Variants in TJP1 observed in about 807,000 individuals in gnomAD.
The protein encoded by TJP1 is tight junction protein 1, also known as tight junction protein ZO-1.
Under a neutral mutation model 194.2 loss-of-function variants are expected in TJP1, and 43 were observed. The ratio of observed to expected loss-of-function variants is 0.22; its 90% CI spans 0.17 to 0.29. The LOEUF is 0.29. Ranked by LOEUF, TJP1 falls within the 10% of genes least tolerant of loss-of-function variation. TJP1 has a pLI of 1.00. For synonymous variants in TJP1, 801 were observed against 779.0 expected, an observed-to-expected ratio of 1.03 and a Z score of -0.47; for missense variants, 1,971 against 2,185.7, an observed-to-expected ratio of 0.90 and a Z score of 1.96.
intron 1 of TJP1, among the ~76,000 whole-genome samples, chr15:29,821,705 C>T (rs1188357786): frequency 6.6e-6 from 1 of 152,078 alleles, no homozygotes; most frequent in Non-Finnish European, 1.5e-5. Context: ...CGTGTCCCCG[C>T]CCTCAGCGAG....
At chr15:29,804,476 C>T (rs2048991026) in intron 1 of TJP1, among the ~76,000 whole-genome samples, 1 of 152,060 alleles carries the variant, frequency 6.6e-6, no homozygotes, top group South Asian at 2.1e-4. Flanking sequence ...AAAATGTTCA[C>T]TAATGACTGA....
chr15:29,812,181 C>T (rs1023081648), intron 1 of TJP1, among the ~76,000 whole-genome samples: 1 of 152,254 alleles, frequency 6.6e-6, no homozygotes, highest in South Asian at 2.1e-4. Context: ...TTAAGAGTTG[C>T]TCGGTGATAA....
At chr15:29,929,720 A>T (rs2054643432) in intron 2 of TJP1, among the ~76,000 whole-genome samples, 1 of 152,090 alleles carries the variant, frequency 6.6e-6, no homozygotes, top group Non-Finnish European at 1.5e-5. Flanking sequence ...AAATAAATAA[A>T]TAAATAAATG....
At chr15:29,922,136 C>T (rs543200045) in intron 2 of TJP1, among the ~76,000 whole-genome samples, 6 of 152,168 alleles carry the variant, frequency 3.9e-5, no homozygotes, top group South Asian at 2.1e-4. Context: ...TGTGAGCCAC[C>T]GCACCCGGAC....
intron 2 of TJP1, among the ~76,000 whole-genome samples, chr15:29,867,447 G>A (rs2052347550): frequency 6.6e-6 from 1 of 152,174 alleles, no homozygotes; most frequent in Non-Finnish European, 1.5e-5. Context: ...ATTGGGCCTT[G>A]CTGGCTCCAA....
At chr15:29,836,335 C>A (rs935026077) in intron 2 of TJP1, among the ~76,000 whole-genome samples, 1 of 151,684 alleles carries the variant, frequency 6.6e-6, no homozygotes, top group Non-Finnish European at 1.5e-5. Flanking sequence ...TGCAGTTGCA[C>A]AATCTCAGCT....
intron 8 of TJP1, among the ~76,000 whole-genome samples, chr15:29,745,224 C>T (rs1464123120): frequency 2.7e-5 from 4 of 150,454 alleles, no homozygotes; most frequent in Non-Finnish European, 5.9e-5. Flanking sequence ...GACAGTGATA[C>T]CTGTGAACAC....
Position 29,791,784 on chromosome 15 carries a change from G to C in TJP1, c.84+8862C>G, listed in dbSNP as rs1297219504. ...TTTTTCTGCCTGCTCACTAGCATTT[G>C]TTATTGCCTGTCTTTTTGATAAAAG... is the stretch of plus-strand genomic sequence containing the variant. On this transcript the variant is annotated intron_variant, in intron 2 of 27. Coordinates refer to ENST00000614355, the MANE Select transcript of TJP1 (RefSeq NM_001330239.4). Among the ~76,000 whole-genome samples, 8 of 152,156 alleles carry C rather than the reference G, an allele frequency of 5.3e-5. No individual in the cohort carries two copies. The East Asian group carries it at 1.4e-3, about 26-fold the overall frequency.
intron 2 of TJP1, among the ~76,000 whole-genome samples, chr15:29,838,601 A>G (rs999912403): frequency 4.4e-5 from 4 of 91,772 alleles, no homozygotes; most frequent in Non-Finnish European, 9.2e-5. Flanking sequence ...TTATACATGT[A>G]CTCTGTGTGT....
At chr15:29,820,543 A>G in intron 1 of TJP1, 1 of 716,892 alleles carries the variant, frequency 1.4e-6, no homozygotes. Context: ...GTGGCAATCC[A>G]TTGAAAACGT....
Position 29,822,045 on chromosome 15 carries a change from GCCGCGC to G in TJP1, c.-23_-18del, listed in dbSNP as rs2050418696. 7.6e-7 allele frequency: 1 copy of G among 1,311,478 alleles called. No homozygotes were observed. The highest frequency in any genetic ancestry group is 3.3e-5 in the Admixed American group (1 of 30,090). 81.2% of individuals were successfully genotyped at this position (1,311,478 alleles called of 1,614,324 possible). A position where few individuals can be genotyped will look rare whatever the true frequency, so the allele number is the denominator to read the frequency against. Reference sequence around the variant, plus strand: ...GGCGGACATCTTGTCTCTCTCCAGCGCCGCGCGAGGCTCCTCGGACCCGAAACTCCG... The same window carrying G: ...GGCGGACATCTTGTCTCTCTCCAGCGGAGGCTCCTCGGACCCGAAACTCCG... On this transcript the variant is annotated 5_prime_UTR_variant, in exon 1 of 28. Transcript: ENST00000614355.
At chr15:29,746,271 T>C (rs1046810760) in intron 8 of TJP1, among the ~76,000 whole-genome samples, 1 of 151,312 alleles carries the variant, frequency 6.6e-6, no homozygotes, top group South Asian at 2.1e-4. Context: ...CCAGCTACTC[T>C]GGAGGCTGAG....
chr15:29,757,523 A>G (rs2045721553), intron 8 of TJP1, among the ~76,000 whole-genome samples: 1 of 152,212 alleles, frequency 6.6e-6, no homozygotes, highest in Admixed American at 6.5e-5. Flanking sequence ...GTTTCTCAAA[A>G]TGCAGGGAAT....
At chr15:29,786,155 G>A (rs927470624) in intron 2 of TJP1, among the ~76,000 whole-genome samples, 2 of 152,058 alleles carry the variant, frequency 1.3e-5, no homozygotes, top group South Asian at 2.1e-4. Flanking sequence ...AGATTGATTC[G>A]GTTTTTTAAC....
rs1320589775 is a variant in TJP1 at position 29,704,404 on chromosome 15, CTAATGGAGT to C, written c.5069-108_5069-100del. The C allele has an allele frequency of 3.5e-6, 5 of 1,420,864 alleles. No individual in the cohort carries two copies. In the African/African-American group the frequency reaches 7.1e-5, roughly 20 times the overall value. The allele number at this position is 1,420,864 out of a possible 1,614,324, so 88.0% of individuals were successfully genotyped here. On this transcript the variant is annotated intron_variant, in intron 26 of 27. Transcript: ENST00000614355. ...TGCTTCTAATTATATGCTTGAAAGC[CTAATGGAGT>C]TAGTTCTCTACAGTCGCACTGACCA...
intron 2 of TJP1, among the ~76,000 whole-genome samples, chr15:29,829,635 A>C (rs1383476167): frequency 3.4e-5 from 1 of 29,824 alleles, no homozygotes; most frequent in Non-Finnish European, 9.3e-5. Context: ...CCTTAAAAAA[A>C]AGAAAAAAAA....
chr15:29,889,490 T>A (rs2053233072), intron 2 of TJP1, among the ~76,000 whole-genome samples: 1 of 152,176 alleles, frequency 6.6e-6, no homozygotes, highest in Non-Finnish European at 1.5e-5. Context: ...GAATAACAAG[T>A]CTTATAAATT....
chr15:29,786,752 T>C (rs2047724785), intron 2 of TJP1, among the ~76,000 whole-genome samples: 1 of 152,214 alleles, frequency 6.6e-6, no homozygotes, highest in African/African-American at 2.4e-5. Flanking sequence ...TGCTCCTGCC[T>C]TGGCCTCCCA....
chr15:29,744,512 A>AAT (rs1173233544), intron 8 of TJP1, among the ~76,000 whole-genome samples: 3 of 152,208 alleles, frequency 2.0e-5, no homozygotes, highest in African/African-American at 7.2e-5. Context: ...GTACCAAGAC[A>AAT]ATATATATTT....
Sources: gnomAD v4.1 joint callset for allele counts (sites outside exome capture counted in the v4.1 genomes callset) on GRCh38, gnomAD v4.1.1 for gene constraint, MANE v1.5 for transcripts, NCBI Gene and HGNC (gene_info 2026-07-23, HGNC 2026-07-21) for gene names.